CDH13: variants seen among roughly 807,000 people sequenced by gnomAD.
CDH13 encodes cadherin 13, also known as cadherin-13.
In CDH13, 24 loss-of-function variants were observed where a neutral mutation model predicts 63.8. That is an observed-to-expected ratio of 0.38 (90% CI 0.27 to 0.53). The LOEUF (loss-of-function observed/expected upper bound fraction) is 0.53. Among genes scored for constraint, CDH13 ranks in the 20% least tolerant of loss-of-function variants. The pLI is 0.85. For synonymous variants in CDH13, 503 were observed against 355.3 expected, an observed-to-expected ratio of 1.42 and a Z score of -4.67; for missense variants, 1,049 against 903.1, an observed-to-expected ratio of 1.16 and a Z score of -2.07.
intron 2 of CDH13, among the ~76,000 whole-genome samples, chr16:82,868,743 G>A (rs1417525066): frequency 6.6e-6 from 1 of 152,174 alleles, no homozygotes; most frequent in Non-Finnish European, 1.5e-5. Flanking sequence ...GAGAATTTGA[G>A]GTGTTTGATA....
chr16:82,859,441 C>T (rs1433703331), intron 2 of CDH13: 1 of 152,164 alleles, frequency 6.6e-6, no homozygotes, highest in African/African-American at 2.4e-5. Context: ...GCCTATAGTC[C>T]CAGCTACGCG....
At chr16:83,434,450 A>T (rs764038868) in intron 6 of CDH13, among the ~76,000 whole-genome samples, 3 of 152,126 alleles carry the variant, frequency 2.0e-5, no homozygotes, top group Non-Finnish European at 4.4e-5. Flanking sequence ...GGCGTGGTCC[A>T]GCCCTGCCAC....
intron 1 of CDH13, among the ~76,000 whole-genome samples, chr16:82,753,087 G>A (rs1567500241): frequency 6.6e-6 from 1 of 152,110 alleles, no homozygotes; most frequent in African/African-American, 2.4e-5. Flanking sequence ...GAAAAATCCT[G>A]AAATTTCAAA....
intron 10 of CDH13, among the ~76,000 whole-genome samples, chr16:83,694,087 A>G (rs1905148184): frequency 6.6e-6 from 1 of 152,244 alleles, no homozygotes; most frequent in Non-Finnish European, 1.5e-5. Context: ...AAGAACAGAC[A>G]GGGTTGACAT....
chr16:82,880,427 C>T (rs2040660400), intron 2 of CDH13, among the ~76,000 whole-genome samples: 1 of 152,138 alleles, frequency 6.6e-6, no homozygotes, highest in African/African-American at 2.4e-5. Context: ...TGCCGAGGGC[C>T]TTCATCTAAT....
At chr16:83,222,561 C>T (rs1425273582) in intron 5 of CDH13, among the ~76,000 whole-genome samples, 1 of 152,086 alleles carries the variant, frequency 6.6e-6, no homozygotes, top group Admixed American at 6.5e-5. Flanking sequence ...CACATATTAC[C>T]TTGATGGGAT....
intron 2 of CDH13, among the ~76,000 whole-genome samples, chr16:82,879,828 TAAATTATGC>T (rs1323122778): frequency 8.0e-6 from 1 of 124,822 alleles, no homozygotes; most frequent in Non-Finnish European, 1.6e-5. Flanking sequence ...TAAATATATA[TAAATTATGC>T]AAATTATATT....
At chr16:83,791,576 G>C (rs1401546749) in intron 13 of CDH13, among the ~76,000 whole-genome samples, 1 of 152,062 alleles carries the variant, frequency 6.6e-6, no homozygotes, top group Non-Finnish European at 1.5e-5. Flanking sequence ...ACTTTGGGAG[G>C]CCGAGGTGGG....
At chr16:83,074,519 G>T (rs1329586499) in intron 3 of CDH13, among the ~76,000 whole-genome samples, 1 of 152,140 alleles carries the variant, frequency 6.6e-6, no homozygotes, top group East Asian at 1.9e-4. Context: ...ACCAAGTAGT[G>T]GGATTGCTGG....
intron 5 of CDH13, among the ~76,000 whole-genome samples, chr16:83,278,365 A>C (rs1401750106): frequency 3.9e-5 from 6 of 152,162 alleles, no homozygotes. Flanking sequence ...TCTAAGCAAA[A>C]GGCACCTTCT....
chr16:83,506,094 C>T (rs993063023), intron 7 of CDH13, among the ~76,000 whole-genome samples: 4 of 152,194 alleles, frequency 2.6e-5, no homozygotes, highest in African/African-American at 9.6e-5. Flanking sequence ...CTGTTCCACT[C>T]ATGGCAAACA....
chr16:83,469,743 G>C (rs534869265), intron 6 of CDH13, among the ~76,000 whole-genome samples: 4 of 152,240 alleles, frequency 2.6e-5, no homozygotes, highest in Admixed American at 1.3e-4. Flanking sequence ...TAAAGACTGG[G>C]GTTGAATAAA....
At chr16:83,138,255 C>T (rs1421640454) in intron 4 of CDH13, among the ~76,000 whole-genome samples, 1 of 152,134 alleles carries the variant, frequency 6.6e-6, no homozygotes, top group Non-Finnish European at 1.5e-5. Flanking sequence ...TGAGCAACTA[C>T]TATGTGTCAA....
intron 13 of CDH13, among the ~76,000 whole-genome samples, chr16:83,787,586 C>T (rs530553306): frequency 2.6e-5 from 4 of 152,300 alleles, no homozygotes; most frequent in East Asian, 3.9e-4. Context: ...CTGGAGTGAG[C>T]GCCAGACAGA....
At chr16:83,200,529 A>G (rs535735607) in intron 4 of CDH13, among the ~76,000 whole-genome samples, 47 of 152,238 alleles carry the variant, frequency 3.1e-4, no homozygotes, top group African/African-American at 1.1e-3. Flanking sequence ...CGTAGCCTCT[A>G]TCCATCCCTG....
intron 6 of CDH13, among the ~76,000 whole-genome samples, chr16:83,485,236 C>T (rs963623982): frequency 8.5e-5 from 13 of 152,190 alleles, no homozygotes; most frequent in African/African-American, 1.4e-4. Context: ...AGATCCCTTG[C>T]GGACACGTGC....
intron 2 of CDH13, among the ~76,000 whole-genome samples, chr16:83,019,351 C>T (rs1414205096): frequency 6.6e-6 from 1 of 152,094 alleles, no homozygotes; most frequent in African/African-American, 2.4e-5. Context: ...TCATGAATAT[C>T]ACTGTATTCT....
intron 2 of CDH13, among the ~76,000 whole-genome samples, chr16:82,860,056 T>C (rs530471259): frequency 2.6e-4 from 39 of 152,330 alleles, no homozygotes; most frequent in Non-Finnish European, 4.9e-4. Flanking sequence ...AGAATCAATA[T>C]ATTTCAAACA....
chr16:83,212,177 T>G lies in CDH13; in HGVS notation c.484-5168T>G, dbSNP rs2039357135. Among the ~76,000 whole-genome samples the G allele has an allele frequency of 1.3e-5, 2 of 152,080 alleles. 1 individual carries two copies. Among genetic ancestry groups the G allele is most frequent in the Admixed American group, 1.3e-4 (2 of 15,272 alleles). On this transcript the variant is annotated intron_variant, in intron 4 of 13. Transcript: ENST00000567109. ...GTTGAGCACAGCATAATCAAGGTGG[T>G]CTGGAAACACACTTGATTTGCATGG...
Sources: gnomAD v4.1 joint callset for allele counts (sites outside exome capture counted in the v4.1 genomes callset) on GRCh38, gnomAD v4.1.1 for gene constraint, MANE v1.5 for transcripts, NCBI Gene and HGNC (gene_info 2026-07-23, HGNC 2026-07-21) for gene names.